Variants in TET2 observed in about 807,000 individuals in gnomAD.
TET2 encodes the protein tet methylcytosine dioxygenase 2.
Under a neutral mutation model 142.9 loss-of-function variants are expected in TET2, and 299 were observed. The observed-to-expected ratio is 2.09, with a 90% CI of 1.90 to 2.30. TET2 has a LOEUF of 2.30. TET2 is among the 30% of genes most tolerant of loss of function. The pLI is 0.00. For missense variants in TET2, 2,418 were observed against 2,378.0 expected (o/e 1.02, Z -0.35); for synonymous variants, 819 against 849.0 (o/e 0.96, Z 0.61).
At position 105,279,171 on chromosome 4, in the gene TET2, A is replaced by G. The variant is rs933025268; in HGVS notation, c.*2652A>G. On this transcript the variant is annotated 3_prime_UTR_variant, in exon 11 of 11. Transcript: ENST00000380013. ...TGTATACCATAATATCTAGCCCCAA[A>G]CATTTGATTACTACATGTGCATTGG... 1 of 232,372 alleles carries G rather than the reference A, an allele frequency of 4.3e-6. No individual in the cohort carries two copies. The allele number at this position is 232,372 out of a possible 1,614,324, so 14.4% of individuals were successfully genotyped here.
chr4:105,224,690 C>CTCTCTT (rs1679084257), intron 2 of TET2, among the ~76,000 whole-genome samples: 1 of 131,670 alleles, frequency 7.6e-6, no homozygotes, highest in South Asian at 2.9e-4. Flanking sequence ...GCCAGTCTCT[C>CTCTCTT]TCTCTCTCTC....
Position 105,237,211 on chromosome 4 carries a change from A to G in TET2, c.3269A>G (p.Lys1090Arg), listed in dbSNP as rs772755257. 5 of 1,614,156 alleles carry G rather than the reference A, an allele frequency of 3.1e-6. No individual in the cohort carries two copies. The Admixed American group carries it at 8.3e-5, about 27-fold the overall frequency. Residue 1090 changes from lysine to arginine, a missense_variant, in exon 3 of 11, where the codon AAG (lysine) becomes AGG (arginine). Physicochemically the swap from Lys to Arg is conservative, Grantham distance 26. Transcript: ENST00000380013. The stretch of plus-strand genomic sequence containing the variant: ...GAGCAGCAAACAACTTCTTCAGAAA[A>G]GACACCAACCAAAAGAACAGCTGCT... Reference protein sequence around the residue: ...ALEQQTTSSEKTPTKRTAASV... With the variant: ...ALEQQTTSSERTPTKRTAASV...
chr4:105,201,758 T>TC (rs1553948526), intron 2 of TET2, among the ~76,000 whole-genome samples: 26 of 146,016 alleles, frequency 1.8e-4, no homozygotes, highest in South Asian at 1.1e-3. Context: ...TTTTTTTTTT[T>TC]CAGACAGGGT....
intron 2 of TET2, among the ~76,000 whole-genome samples, chr4:105,204,234 T>TACACACACACACACACACAC (rs763239434): frequency 7.9e-6 from 1 of 125,948 alleles, no homozygotes; most frequent in African/African-American, 2.9e-5. Context: ...AAAAAATATA[T>TACACACACACACACACACAC]ACACACACAC....
chr4:105,261,526 A>G (rs1213725342), intron 7 of TET2, among the ~76,000 whole-genome samples: 4 of 152,154 alleles, frequency 2.6e-5, no homozygotes, highest in Admixed American at 6.5e-5. Context: ...AATGCAAAAT[A>G]TCTGCATGCA....
At position 105,233,972 on chromosome 4, in the gene TET2, G is replaced by A. The variant is rs2110219310; in HGVS notation, c.30G>A (p.Glu10=). 1 of 1,613,990 alleles carries A rather than the reference G, an allele frequency of 6.2e-7. No homozygotes were observed. Among genetic ancestry groups the A allele is most frequent in the Non-Finnish European group, 8.5e-7 (1 of 1,179,986 alleles). ...AACAGGATAGAACCAACCATGTTGA[G>A]GGCAACAGACTAAGTCCATTCCTGA... MEQDRTNHV[E]GNRLSPFLIP... Residue 10 remains glutamate (E), a synonymous_variant, in exon 3 of 11, where the codon GAG becomes GAA. Transcript: ENST00000380013.
chr4:105,152,828 C>G (rs1723376916), intron 1 of TET2, among the ~76,000 whole-genome samples: 1 of 152,056 alleles, frequency 6.6e-6, no homozygotes, highest in South Asian at 2.1e-4. Context: ...TACTCCTGGT[C>G]TCAGGTGATC....
Position 105,256,312 on chromosome 4 carries a change from A to G in TET2, c.3804-3307A>G, listed in dbSNP as rs552457134. On this transcript the variant is annotated intron_variant, in intron 6 of 10. Transcript: ENST00000380013. ...TTTGTAGGACATGCCTGAAAACAATAAACTCTTATTTATCAGAGAATGTCC... is the reference window on the plus strand; with the variant it reads ...TTTGTAGGACATGCCTGAAAACAATGAACTCTTATTTATCAGAGAATGTCC... Among the ~76,000 whole-genome samples, 10 of 152,272 alleles carry G rather than the reference A, an allele frequency of 6.6e-5. No individual in the cohort carries two copies. In the East Asian group the frequency reaches 1.9e-3, roughly 29 times the overall value.
intron 1 of TET2, among the ~76,000 whole-genome samples, chr4:105,180,056 T>A (rs1465108746): frequency 6.6e-6 from 1 of 152,232 alleles, no homozygotes; most frequent in African/African-American, 2.4e-5. Context: ...GTTATGCCTT[T>A]CTGGTCAGCT....
At chr4:105,198,873 A>G (rs562727144) in intron 2 of TET2, among the ~76,000 whole-genome samples, 1 of 152,336 alleles carries the variant, frequency 6.6e-6, no homozygotes, top group East Asian at 1.9e-4. Context: ...GCGAAGTTAC[A>G]CTATATTAGA....
intron 1 of TET2, among the ~76,000 whole-genome samples, chr4:105,169,492 T>C (rs191414133): frequency 6.6e-6 from 1 of 152,226 alleles, no homozygotes; most frequent in African/African-American, 2.4e-5. Flanking sequence ...CTTTGCCGGA[T>C]GCATAGATTG....
Position 105,234,583 on chromosome 4 carries a change from CT to C in TET2, c.642del (p.Ala215ProfsTer35). On this transcript the variant is annotated frameshift_variant, in exon 3 of 11. Coordinates refer to ENST00000380013, the MANE Select transcript of TET2 (RefSeq NM_001127208.3). LOFTEE classifies it high-confidence loss of function. ...CTAATGCCTAATGGTGCTACAGTTT[CT>C]GCCTCTTCCGTGGAACACACACATG... ...AVLMPNGATVSASSVEHTHGE... is the reference protein window; with the variant it reads ...AVLMPNGATVXASSVEHTHGE... 6.2e-7 allele frequency: 1 copy of C among 1,614,146 alleles called. No homozygotes were observed. Among genetic ancestry groups the C allele is most frequent in the Non-Finnish European group, 8.5e-7 (1 of 1,180,014 alleles).
chr4:105,160,468 G>T (rs1208621306), intron 1 of TET2, among the ~76,000 whole-genome samples: 1 of 152,154 alleles, frequency 6.6e-6, no homozygotes, highest in African/African-American at 2.4e-5. Flanking sequence ...TTTTTGTATT[G>T]CATCTAAGGA....
At chr4:105,191,162 C>T (rs150938548) in intron 2 of TET2, among the ~76,000 whole-genome samples, 150 of 152,320 alleles carry the variant, frequency 9.8e-4, no homozygotes, top group Middle Eastern at 3.4e-3. Context: ...GCTGGGATTA[C>T]AGGTGCATGC....
At chr4:105,243,477 T>G (rs1211909951) in intron 5 of TET2, 93 bp from the exon 6 acceptor site, 2 of 1,089,370 alleles carry the variant, frequency 1.8e-6, no homozygotes, top group Admixed American at 2.0e-5. Context: ...TGATAAAATA[T>G]ACATACATAA....
chr4:105,260,136 G>A (rs994726468), intron 7 of TET2, among the ~76,000 whole-genome samples: 1 of 148,912 alleles, frequency 6.7e-6, no homozygotes, highest in Non-Finnish European at 1.5e-5. Flanking sequence ...TATGTGCAAT[G>A]AGATTCAAAT....
chr4:105,178,339 G>A lies in TET2; in HGVS notation c.-192-12021G>A, dbSNP rs565226884. The stretch of plus-strand genomic sequence containing the variant: ...ATTATAAAGTGAAAGAAGCTAATCC[G>A]AAAAGGCTAAATACTGTATGATTCC... On this transcript the variant is annotated intron_variant, in intron 1 of 10. Coordinates refer to ENST00000380013, the MANE Select transcript of TET2 (RefSeq NM_001127208.3). Among the ~76,000 whole-genome samples the A allele has an allele frequency of 5.4e-4, 82 of 152,284 alleles. 1 individual carries two copies. Among genetic ancestry groups the A allele is most frequent in the African/African-American group, 1.9e-3 (80 of 41,556 alleles).
intron 3 of TET2, chr4:105,240,201 GA>G (rs1168479549): frequency 2.7e-5 from 8 of 295,460 alleles, no homozygotes; most frequent in Admixed American, 1.7e-4. Context: ...ACATGCTGTT[GA>G]AAAAAATGAC....
chr4:105,260,990 C>CTA (rs1273465053), intron 7 of TET2, among the ~76,000 whole-genome samples: 1 of 152,008 alleles, frequency 6.6e-6, no homozygotes, highest in African/African-American at 2.4e-5. Flanking sequence ...CTTATTGCCT[C>CTA]TGTTGGGTAG....
Sources: gnomAD v4.1 joint callset for allele counts (sites outside exome capture counted in the v4.1 genomes callset) on GRCh38, gnomAD v4.1.1 for gene constraint, MANE v1.5 for transcripts, NCBI Gene and HGNC (gene_info 2026-07-23, HGNC 2026-07-21) for gene names.